Variants in CYB5R1 observed in about 807,000 individuals in gnomAD.
CYB5R1 encodes cytochrome b5 reductase 1.
CYB5R1 carries 32 observed loss-of-function variants against 37.4 expected under a neutral mutation model. The ratio of observed to expected loss-of-function variants is 0.86; its 90% CI spans 0.65 to 1.15. The LOEUF is 1.15. Among genes scored for constraint, CYB5R1 ranks in the 50% most tolerant of loss-of-function variants. The pLI is 0.00. For synonymous variants in CYB5R1, 159 were observed against 155.2 expected (o/e 1.02, Z -0.18); for missense variants, 345 against 382.5 (o/e 0.90, Z 0.82).
chr1:202,962,783 C>A, intron 8 of CYB5R1, 84 bp from the exon 9 acceptor site: 1 of 1,502,506 alleles, frequency 6.7e-7, no homozygotes, highest in East Asian at 2.4e-5. Flanking sequence ...GGGGAGGGCC[C>A]TGAAAGGCTC....
At chr1:202,966,361 A>T in intron 3 of CYB5R1, 167 bp downstream of exon 3, 1 of 726,188 alleles carries the variant, frequency 1.4e-6, no homozygotes. Context: ...GCCACACTCT[A>T]GAGGGGCCCA....
In CYB5R1 at chr1:202,965,422, C is replaced by A. The variant is rs1409881003; in HGVS notation, c.424G>T (p.Asp142Tyr). The A allele has an allele frequency of 1.2e-6, 2 of 1,608,428 alleles. No individual in the cohort carries two copies. Among genetic ancestry groups the A allele is most frequent in the Non-Finnish European group, 1.7e-6 (2 of 1,177,298 alleles). The part of the protein sequence containing the change: ...SQYLDSLKVG[D>Y]VVEFRGPSGL... ...CTTGGCCCCCGAAACTCCACCACAT[C>A]CCCAACCTTCAGGCTATCCAGGTAC... Residue 142 changes from aspartate (D) to tyrosine (Y), a missense_variant, in exon 5 of 9, where the codon GAT becomes TAT. Coordinates refer to ENST00000367249, the MANE Select transcript of CYB5R1 (RefSeq NM_016243.3).
rs774083961 is a variant in CYB5R1, at chr1:202,962,996, T to C, written c.745+70A>G. ...AAGGTTGATTTCAATGAAGCCAGAA[T>C]TCACAAAGGGGCAAGGCTTTGATTT... On this transcript the variant is annotated intron_variant, in intron 8 of 8. Transcript: ENST00000367249. The C allele has an allele frequency of 9.8e-6, 14 of 1,422,576 alleles. No individual in the cohort carries two copies. In the South Asian group the frequency reaches 1.6e-4, roughly 16 times the overall value. 88.1% of individuals were successfully genotyped at this position (1,422,576 alleles called of 1,614,324 possible). A position where few individuals can be genotyped will look rare whatever the true frequency, so the allele number is the denominator to read the frequency against.
At chr1:202,965,236 A>C in intron 5 of CYB5R1, 135 bp downstream of exon 5, 2 of 956,114 alleles carry the variant, frequency 2.1e-6, no homozygotes, top group Non-Finnish European at 3.0e-6. Flanking sequence ...CTATTGTATC[A>C]GCGCTATGTT....
At chr1:202,965,827 T>C in intron 4 of CYB5R1, 60 bp downstream of exon 4, 1 of 1,272,476 alleles carries the variant, frequency 7.9e-7, no homozygotes, top group South Asian at 1.2e-5. Context: ...ATCTTAGAAA[T>C]TTCTACAAAT....
intron 7 of CYB5R1, 30 bp downstream of exon 7, chr1:202,963,612 A>G: frequency 6.5e-7 from 1 of 1,531,104 alleles, no homozygotes; most frequent in Non-Finnish European, 9.0e-7. Flanking sequence ...AGCAACTTTG[A>G]AGTCTTAGGG....
At chr1:202,964,578 A>G (rs1219450639) in intron 6 of CYB5R1, 34 bp downstream of exon 6, 2 of 1,513,940 alleles carry the variant, frequency 1.3e-6, no homozygotes, top group African/African-American at 2.8e-5. Context: ...ACAGTCAACA[A>G]TGGTGGGAGA....
Position 202,965,450 on chromosome 1 carries a change from A to T in CYB5R1, c.396T>A (p.Ser132=), listed in dbSNP as rs754811239. 35 of 1,604,314 alleles carry T rather than the reference A, an allele frequency of 2.2e-5. No individual in the cohort carries two copies. In the Admixed American group the frequency reaches 6.0e-4, roughly 27 times the overall value. The change falls in exon 5 of 9, where the codon TCT becomes TCA. Residue 132 remains serine (S), a synonymous_variant. Transcript: ENST00000367249. ...CAACCTTCAGGCTATCCAGGTACTGAGACATCTTCCCTCCCTCAGGAAATT... is the reference window on the plus strand; with the variant it reads ...CAACCTTCAGGCTATCCAGGTACTGTGACATCTTCCCTCCCTCAGGAAATT... ...HPKFPEGGKM[S]QYLDSLKVGD... is the part of the protein sequence containing the mutation.
At chr1:202,964,428 AT>A (rs1054401804) in intron 6 of CYB5R1, 183 bp downstream of exon 6, 43 of 591,414 alleles carry the variant, frequency 7.3e-5, no homozygotes, top group Non-Finnish European at 8.8e-5. Flanking sequence ...ATCAGTTAAA[AT>A]TTTTTTTGGT....
At chr1:202,965,168 A>G (rs748419076) in intron 5 of CYB5R1, 8 of 588,576 alleles carry the variant, frequency 1.4e-5, no homozygotes, top group Non-Finnish European at 2.0e-5. Flanking sequence ...ATGGCTAGGG[A>G]ATTCAAGTGG....
intron 3 of CYB5R1, 34 bp from the exon 4 acceptor site, chr1:202,966,027 T>G (rs1655086438): frequency 2.2e-6 from 3 of 1,376,422 alleles, no homozygotes; most frequent in Non-Finnish European, 3.1e-6. Flanking sequence ...ATAAGGGTTG[T>G]CTGTGATGTG....
rs770166677 is a variant in CYB5R1, at chr1:202,967,238, G to A, written c.-33C>T. 1 of 1,553,214 alleles carries A rather than the reference G, an allele frequency of 6.4e-7. No homozygotes were observed. Among genetic ancestry groups the A allele is most frequent in the Admixed American group, 1.7e-5 (1 of 58,040 alleles). On this transcript the variant is annotated 5_prime_UTR_variant, in exon 1 of 9. Transcript: ENST00000367249. The stretch of plus-strand genomic sequence containing the variant: ...CGCCTTTTCCTCCACCACCTGACAA[G>A]CCGACAGATCCCACAATGCGCCGCG...
chr1:202,965,267 G>A (rs1412441553), intron 5 of CYB5R1, 104 bp downstream of exon 5: 2 of 1,337,572 alleles, frequency 1.5e-6, no homozygotes, highest in African/African-American at 1.5e-5. Flanking sequence ...GGCGGCCCTG[G>A]CCCTTACGTG....
rs756441283 is a variant in CYB5R1, at chr1:202,963,663, G to A, written c.624C>T (p.Cys208=). The change falls in exon 7 of 9, where the codon TGC becomes TGT. Residue 208 remains cysteine (C), a synonymous_variant. Transcript: ENST00000367249. Reference sequence around the variant, plus strand: ...CAACCTGGTTGGCAAAAAGCAGAAAGCACTGGGTTGGATCTTCAGGGACTT... The same window carrying A: ...CAACCTGGTTGGCAAAAAGCAGAAAACACTGGGTTGGATCTTCAGGGACTT... The part of the protein sequence containing the change: ...ILKVPEDPTQ[C]FLLFANQTEK... 4 of 1,609,412 alleles carry A rather than the reference G, an allele frequency of 2.5e-6. No homozygotes were observed. In the South Asian group the frequency reaches 3.3e-5, roughly 13 times the overall value.
At chr1:202,966,641 G>A (rs1346125505) in intron 2 of CYB5R1, 41 bp from the exon 3 acceptor site, 1 of 1,613,958 alleles carries the variant, frequency 6.2e-7, no homozygotes, top group Admixed American at 1.7e-5. Context: ...AAGCGCGCCT[G>A]GCGCTGCCAC....
chr1:202,963,545 A>C (rs1655034540), intron 7 of CYB5R1, 97 bp downstream of exon 7: 2 of 877,082 alleles, frequency 2.3e-6, no homozygotes, highest in African/African-American at 3.4e-5. Context: ...AGAGGCTAAA[A>C]CAGGGCACTG....
At chr1:202,964,326 A>T (rs151143458) in intron 6 of CYB5R1, 1 of 467,712 alleles carries the variant, frequency 2.1e-6, no homozygotes, top group African/African-American at 2.0e-5. Context: ...CTTCCTAGCT[A>T]GTCATTCCTA....
chr1:202,965,361 A>G lies in CYB5R1; in HGVS notation c.475+10T>C, dbSNP rs2102504030. 1 of 1,569,814 alleles carries G rather than the reference A, an allele frequency of 6.4e-7. No individual in the cohort carries two copies. Among genetic ancestry groups the G allele is most frequent in the East Asian group, 2.3e-5 (1 of 43,470 alleles). Reference sequence around the variant, plus strand: ...TGGGAGACAGGCTCAAGGAGAAGACAGGTCATTACCTTTTCCAGTGTAAGT... The same window carrying G: ...TGGGAGACAGGCTCAAGGAGAAGACGGGTCATTACCTTTTCCAGTGTAAGT... On this transcript the variant is annotated intron_variant, in intron 5 of 8. Coordinates refer to ENST00000367249, the MANE Select transcript of CYB5R1 (RefSeq NM_016243.3).
Position 202,965,900 on chromosome 1 carries a change from T to G in CYB5R1, c.332A>C (p.Asp111Ala), listed in dbSNP as rs368750839. Residue 111 changes from aspartate (D) to alanine (A), a missense_variant, in exon 4 of 9, where the codon GAT (aspartate) becomes GCT (alanine). Asp to Ala is a moderately radical substitution (Grantham distance 126). Transcript: ENST00000367249. ...VTSDEDQGYV[D>A]LVIKVYLKGV... ...CTAGCCCCTTACCTTGATGACAAGA[T>G]CCACATAGCCTTGATCCTCATCACT... 2 of 1,611,460 alleles carry G rather than the reference T, an allele frequency of 1.2e-6. No homozygotes were observed. The highest frequency in any genetic ancestry group is 1.3e-5 in the African/African-American group (1 of 74,942).
Sources: gnomAD v4.1 joint callset for allele counts on GRCh38, gnomAD v4.1.1 for gene constraint, MANE v1.5 for transcripts, NCBI Gene and HGNC (gene_info 2026-07-23, HGNC 2026-07-21) for gene names.